MBD5: variants seen among roughly 807,000 people sequenced by gnomAD.
MBD5 encodes methyl-CpG-binding domain protein 5.
In MBD5, 13 loss-of-function variants were observed where a neutral mutation model predicts 117.3. That is an observed-to-expected ratio of 0.11 (90% CI 0.07 to 0.18). The LOEUF is 0.18. Ranked by LOEUF, MBD5 falls within the 10% of genes least tolerant of loss-of-function variation. The probability of loss-of-function intolerance (pLI) is 1.00; values close to 1 mark genes in which losing one functional copy is unlikely to be tolerated. For synonymous variants in MBD5, 727 were observed against 766.4 expected, an observed-to-expected ratio of 0.95 and a Z score of 0.85; for missense variants, 1,879 against 2,093.8, an observed-to-expected ratio of 0.90 and a Z score of 2.00.
intron 2 of MBD5, among the ~76,000 whole-genome samples, chr2:148,200,434 G>A (rs966190016): frequency 2.6e-5 from 4 of 152,148 alleles, no homozygotes; most frequent in African/African-American, 9.7e-5. Context: ...GCTCATGCCT[G>A]TAATCCCAGC....
intron 3 of MBD5, among the ~76,000 whole-genome samples, chr2:148,294,161 C>T (rs1037071215): frequency 2.4e-4 from 35 of 148,920 alleles, no homozygotes; most frequent in Admixed American, 8.6e-4. Context: ...ACTTATTTCA[C>T]GTTCCTTTTT....
chr2:148,235,679 C>T (rs1700076469), intron 3 of MBD5, among the ~76,000 whole-genome samples: 1 of 152,066 alleles, frequency 6.6e-6, no homozygotes, highest in Non-Finnish European at 1.5e-5. Context: ...ATTTTTTTCC[C>T]AGTGCATATA....
chr2:148,043,280 T>TA (rs1250594338), intron 1 of MBD5, among the ~76,000 whole-genome samples: 6 of 147,270 alleles, frequency 4.1e-5, no homozygotes, highest in East Asian at 2.0e-4. Flanking sequence ...AAAAAAAAAA[T>TA]AAAAAAATAA....
intron 4 of MBD5, among the ~76,000 whole-genome samples, chr2:148,440,050 T>A (rs1706272732): frequency 6.6e-6 from 1 of 152,210 alleles, no homozygotes; most frequent in African/African-American, 2.4e-5. Flanking sequence ...CTATTCTTAA[T>A]AATGAATTTA....
At chr2:148,387,524 C>G (rs1261494304) in intron 4 of MBD5, among the ~76,000 whole-genome samples, 1 of 151,798 alleles carries the variant, frequency 6.6e-6, no homozygotes, top group East Asian at 1.9e-4. Context: ...GGTCAGAGTT[C>G]CCACAGCAAG....
chr2:148,463,030 G>A (rs916855455), intron 6 of MBD5, among the ~76,000 whole-genome samples: 14 of 152,006 alleles, frequency 9.2e-5, no homozygotes, highest in Non-Finnish European at 1.9e-4. Flanking sequence ...GTTATTGTTA[G>A]CACTGGTATT....
chr2:148,135,238 C>T (rs2105494295), intron 1 of MBD5, among the ~76,000 whole-genome samples: 1 of 152,242 alleles, frequency 6.6e-6, no homozygotes, highest in Non-Finnish European at 1.5e-5. Flanking sequence ...GATTAACCTA[C>T]CTGGACTTTA....
chr2:148,502,285 TTGAG>T lies in MBD5; in HGVS notation c.4963-146_4963-143del, dbSNP rs1559105273. On this transcript the variant is annotated intron_variant, in intron 11 of 13. Coordinates refer to ENST00000642680, the MANE Select transcript of MBD5 (RefSeq NM_001378120.1). ...GAGCCACAGAATCAACCTCTAATGA[TTGAG>T]TGAGGACAGAAGATTTGACAAGGTA... The T allele has an allele frequency of 5.6e-6, 4 of 713,352 alleles. No individual in the cohort carries two copies. In the African/African-American group the frequency reaches 7.1e-5, roughly 13 times the overall value. 44.2% of individuals were successfully genotyped at this position (713,352 alleles called of 1,614,324 possible).
chr2:148,350,481 T>C (rs913698442), intron 4 of MBD5, among the ~76,000 whole-genome samples: 1 of 152,038 alleles, frequency 6.6e-6, no homozygotes, highest in African/African-American at 2.4e-5. Flanking sequence ...GGATAGGAAA[T>C]GCAGTGATAG....
intron 8 of MBD5, among the ~76,000 whole-genome samples, chr2:148,476,248 T>A (rs761021827): frequency 1.2e-4 from 19 of 152,174 alleles, no homozygotes; most frequent in Non-Finnish European, 2.8e-4. Flanking sequence ...GACCATCTCC[T>A]ACAGAGTTGA....
Position 148,145,604 on chromosome 2 carries a change from T to C in MBD5, c.-924-33096T>C, listed in dbSNP as rs1342484017. ...GTGGGTTTGTCATAAATAGCTCTTATTATTTTGAGATACATCCCATCAATA... is the reference window on the plus strand; with the variant it reads ...GTGGGTTTGTCATAAATAGCTCTTACTATTTTGAGATACATCCCATCAATA... On this transcript the variant is annotated intron_variant, in intron 1 of 13. Transcript: ENST00000642680. Among the ~76,000 whole-genome samples the C allele has an allele frequency of 5.3e-5, 8 of 152,316 alleles. No individual in the cohort carries two copies. In the East Asian group the frequency reaches 1.3e-3, roughly 26 times the overall value.
At chr2:148,354,152 T>C (rs1194423067) in intron 4 of MBD5, among the ~76,000 whole-genome samples, 1 of 152,188 alleles carries the variant, frequency 6.6e-6, no homozygotes, top group African/African-American at 2.4e-5. Context: ...CATGCAGATA[T>C]GCTACATAGG....
chr2:148,097,525 T>C (rs1696099694), intron 1 of MBD5, among the ~76,000 whole-genome samples: 1 of 152,226 alleles, frequency 6.6e-6, no homozygotes. Context: ...CCAATTTGTA[T>C]TAGGTGGCCC....
At chr2:148,122,796 G>A (rs1283034098) in intron 1 of MBD5, among the ~76,000 whole-genome samples, 2 of 152,164 alleles carry the variant, frequency 1.3e-5, no homozygotes. Flanking sequence ...TAAATGCAGT[G>A]GATGTGAAAA....
At chr2:148,387,487 A>G (rs1370174529) in intron 4 of MBD5, among the ~76,000 whole-genome samples, 2 of 152,178 alleles carry the variant, frequency 1.3e-5, no homozygotes, top group African/African-American at 4.8e-5. Context: ...TTAAAATCAG[A>G]GCAATACGAT....
rs779273898 is a variant in MBD5 at position 148,275,019 on chromosome 2, C to T, written c.-680+41624C>T. On this transcript the variant is annotated intron_variant, in intron 3 of 13. Coordinates refer to ENST00000642680, the MANE Select transcript of MBD5 (RefSeq NM_001378120.1). Reference sequence around the variant, plus strand: ...GTGTTGAGATTACAGGCGTGAGCCACTGTGCCTGGCGTCTTTTCTTACATA... The same window carrying T: ...GTGTTGAGATTACAGGCGTGAGCCATTGTGCCTGGCGTCTTTTCTTACATA... Among the ~76,000 whole-genome samples the T allele has an allele frequency of 2.3e-4, 35 of 152,192 alleles. 1 individual carries two copies. Among genetic ancestry groups the T allele is most frequent in the Non-Finnish European group, 4.4e-4 (30 of 68,036 alleles).
chr2:148,254,963 T>G (rs1344168324), intron 3 of MBD5, among the ~76,000 whole-genome samples: 1 of 152,206 alleles, frequency 6.6e-6, no homozygotes, highest in Non-Finnish European at 1.5e-5. Flanking sequence ...CAGGCATTGT[T>G]ATGGAACCCC....
chr2:148,139,840 A>G (rs1033670408), intron 1 of MBD5, among the ~76,000 whole-genome samples: 2 of 152,136 alleles, frequency 1.3e-5, no homozygotes, highest in Admixed American at 6.5e-5. Context: ...GCCCCAACAT[A>G]TCCTGTTCAC....
In MBD5 at chr2:148,368,691, A is replaced by G. The variant is rs532933333; in HGVS notation, c.-557+26355A>G. Among the ~76,000 whole-genome samples the G allele has an allele frequency of 4.0e-4, 61 of 152,222 alleles. 1 individual carries two copies. The South Asian group carries it at 0.011, about 26-fold the overall frequency. On this transcript the variant is annotated intron_variant, in intron 4 of 13. Coordinates refer to ENST00000642680, the MANE Select transcript of MBD5 (RefSeq NM_001378120.1). Reference sequence around the variant, plus strand: ...AATAATGATAATAATGAATTATAACACACTATATAAAATGAGAATCTTATC... The same window carrying G: ...AATAATGATAATAATGAATTATAACGCACTATATAAAATGAGAATCTTATC...
Sources: allele counts gnomAD v4.1 joint callset (sites outside exome capture counted in the v4.1 genomes callset), GRCh38; gene constraint gnomAD v4.1.1; transcripts MANE v1.5; gene names NCBI Gene and HGNC (gene_info 2026-07-23, HGNC 2026-07-21).